DNM3: variants seen among roughly 807,000 people sequenced by gnomAD.
The protein encoded by DNM3 is dynamin-3.
Under a neutral mutation model 101.6 loss-of-function variants are expected in DNM3, and 47 were observed. That is an observed-to-expected ratio of 0.46 (90% confidence interval 0.37 to 0.59). The LOEUF (loss-of-function observed/expected upper bound fraction) is 0.59, where lower values mean the gene tolerates loss of function less well. Among genes scored for constraint, DNM3 ranks in the 20% least tolerant of loss-of-function variants. DNM3 has a pLI of 0.00. For missense variants in DNM3, 849 were observed against 1,085.7 expected (o/e 0.78, Z 3.06); for synonymous variants, 385 against 387.9 (o/e 0.99, Z 0.09).
chr1:172,337,866 T>TTTTTTTTTTA (rs2066503109), intron 17 of DNM3, among the ~76,000 whole-genome samples: 1 of 113,130 alleles, frequency 8.8e-6, no homozygotes, highest in Non-Finnish European at 1.9e-5. Flanking sequence ...TTTTATTTTA[T>TTTTTTTTTTA]TTTTATTTTA....
chr1:172,221,241 T>A (rs1235523200), intron 14 of DNM3, among the ~76,000 whole-genome samples: 1 of 152,118 alleles, frequency 6.6e-6, no homozygotes, highest in East Asian at 1.9e-4. Context: ...ATTTCTGGTC[T>A]ATATATAAAA....
At chr1:172,043,840 T>C (rs1469184358) in intron 8 of DNM3, among the ~76,000 whole-genome samples, 1 of 152,226 alleles carries the variant, frequency 6.6e-6, no homozygotes, top group Non-Finnish European at 1.5e-5. Flanking sequence ...TTGGTCCTAC[T>C]TCCAAATAGA....
chr1:172,088,412 G>T (rs1439214846), intron 12 of DNM3, among the ~76,000 whole-genome samples: 2 of 151,978 alleles, frequency 1.3e-5, no homozygotes, highest in Non-Finnish European at 2.9e-5. Flanking sequence ...GCATTTCAGG[G>T]AACTAATTTG....
intron 2 of DNM3, among the ~76,000 whole-genome samples, chr1:171,935,308 G>A (rs985728272): frequency 1.3e-5 from 2 of 152,050 alleles, no homozygotes; most frequent in African/African-American, 2.4e-5. Flanking sequence ...AGCCTTATTC[G>A]GTGTAATTTG....
intron 14 of DNM3, among the ~76,000 whole-genome samples, chr1:172,163,042 A>T (rs1276759093): frequency 6.6e-6 from 1 of 152,058 alleles, no homozygotes; most frequent in African/African-American, 2.4e-5. Flanking sequence ...AGTATACTTG[A>T]CAAATAAAAA....
At chr1:171,875,138 A>G (rs2035643516) in intron 1 of DNM3, among the ~76,000 whole-genome samples, 1 of 152,150 alleles carries the variant, frequency 6.6e-6, no homozygotes, top group Non-Finnish European at 1.5e-5. Context: ...ATATGAGTGC[A>G]TGTGTCTTTT....
At chr1:171,945,450 T>A (rs1187962107) in intron 2 of DNM3, among the ~76,000 whole-genome samples, 2 of 152,214 alleles carry the variant, frequency 1.3e-5, no homozygotes, top group Non-Finnish European at 2.9e-5. Flanking sequence ...AAATGGATTT[T>A]TGCAATTCAC....
intron 15 of DNM3, among the ~76,000 whole-genome samples, chr1:172,263,140 A>G (rs2062730582): frequency 6.6e-6 from 1 of 152,210 alleles, no homozygotes; most frequent in Non-Finnish European, 1.5e-5. Context: ...ACAAAAAACT[A>G]TGTTCCTGAT....
chr1:172,168,041 ATTATAC>A (rs1235669992), intron 14 of DNM3, among the ~76,000 whole-genome samples: 4 of 151,980 alleles, frequency 2.6e-5, no homozygotes, highest in Admixed American at 1.3e-4. Flanking sequence ...TCCGGGAGTA[ATTATAC>A]TCTTTAGCAT....
intron 4 of DNM3, among the ~76,000 whole-genome samples, chr1:172,001,849 A>C: frequency 6.6e-6 from 1 of 151,910 alleles, no homozygotes; most frequent in East Asian, 1.9e-4. Flanking sequence ...TCCCTCTTAA[A>C]TCTGGAAAAT....
At chr1:172,258,603 T>C (rs2062516498) in intron 15 of DNM3, among the ~76,000 whole-genome samples, 1 of 152,126 alleles carries the variant, frequency 6.6e-6, no homozygotes, top group South Asian at 2.1e-4. Context: ...TTAGTTGTAA[T>C]ATCTTTTTTA....
intron 1 of DNM3, among the ~76,000 whole-genome samples, chr1:171,895,247 C>T (rs1358972049): frequency 3.3e-5 from 5 of 152,318 alleles, no homozygotes; most frequent in African/African-American, 9.6e-5. Flanking sequence ...ATGTACACTC[C>T]CACCAACAGT....
rs528858220 is a variant in DNM3, at chr1:172,226,075, G to C, written c.1660-27498G>C. Among the ~76,000 whole-genome samples the C allele has an allele frequency of 3.4e-4, 51 of 152,052 alleles. 1 individual carries two copies. The highest frequency in any genetic ancestry group is 1.1e-3 in the African/African-American group (47 of 41,506). ...TTCTAGTTTGTAACTATTTTTTAAT[G>C]CTGTAATAAACATCACTATGCACAT... On this transcript the variant is annotated intron_variant, in intron 14 of 20. Coordinates refer to ENST00000627582, the MANE Select transcript of DNM3 (RefSeq NM_015569.5).
intron 14 of DNM3, among the ~76,000 whole-genome samples, chr1:172,156,625 C>T (rs2058349927): frequency 6.6e-6 from 1 of 151,986 alleles, no homozygotes; most frequent in Non-Finnish European, 1.5e-5. Context: ...CCTCCTCCTC[C>T]TCCTGTTTTT....
intron 2 of DNM3, among the ~76,000 whole-genome samples, chr1:171,959,603 AAAC>A (rs879423926): frequency 1.3e-5 from 2 of 152,182 alleles, no homozygotes; most frequent in Non-Finnish European, 2.9e-5. Flanking sequence ...GAAGAATTAA[AAAC>A]AACAACAACA....
intron 14 of DNM3, among the ~76,000 whole-genome samples, chr1:172,204,578 C>T (rs2421991): frequency 0.24 from 35,844 of 152,100 alleles, 5,042 homozygotes; most frequent in Middle Eastern, 0.34. Flanking sequence ...TATTGCTCTT[C>T]TGCATGTTCT....
At chr1:171,946,356 G>A (rs896585338) in intron 2 of DNM3, among the ~76,000 whole-genome samples, 2 of 152,174 alleles carry the variant, frequency 1.3e-5, no homozygotes, top group East Asian at 1.9e-4. Flanking sequence ...TCTTAATAGG[G>A]AAAGGGGAGG....
intron 1 of DNM3, among the ~76,000 whole-genome samples, chr1:171,900,026 T>C (rs2038162667): frequency 6.6e-6 from 1 of 152,170 alleles, no homozygotes; most frequent in African/African-American, 2.4e-5. Flanking sequence ...GAGTTCAGTG[T>C]ACAGCAAAAG....
chr1:172,346,864 G>C (rs1276745048), intron 17 of DNM3, among the ~76,000 whole-genome samples: 3 of 152,180 alleles, frequency 2.0e-5, no homozygotes, highest in Non-Finnish European at 2.9e-5. Context: ...CAGGTGTAAA[G>C]CTTAGTACAT....
Sources: allele counts gnomAD v4.1 joint callset (sites outside exome capture counted in the v4.1 genomes callset), GRCh38; gene constraint gnomAD v4.1.1; transcripts MANE v1.5; gene names NCBI Gene and HGNC (gene_info 2026-07-23, HGNC 2026-07-21).